The following WDR47 variants were observed in gnomAD, a reference collection of about 807,000 sequenced individuals.
The protein encoded by WDR47 is WD repeat domain 47.
In WDR47, 32 loss-of-function variants were observed where a neutral mutation model predicts 97.2. That is an observed-to-expected ratio of 0.33 (90% CI 0.25 to 0.44). The LOEUF (loss-of-function observed/expected upper bound fraction) is 0.44, where lower values mean the gene tolerates loss of function less well. WDR47 is among the 20% of genes least tolerant of loss of function. The probability of loss-of-function intolerance (pLI) is 1.00; values close to 1 mark genes in which losing one functional copy is unlikely to be tolerated. For missense variants in WDR47, 782 were observed against 1,102.3 expected (o/e 0.71, Z 4.11); for synonymous variants, 375 against 373.5 (o/e 1.00, Z -0.05).
chr1:108,989,683 T>A (rs1225758300), intron 9 of WDR47, among the ~76,000 whole-genome samples: 5 of 152,210 alleles, frequency 3.3e-5, no homozygotes, highest in African/African-American at 1.2e-4. Context: ...TTTTATTTGC[T>A]GTCCTCCAGA....
chr1:108,988,834 C>T lies in WDR47; in HGVS notation c.1768-2154G>A, dbSNP rs140902415. Among the ~76,000 whole-genome samples the T allele has an allele frequency of 4.1e-3, 624 of 151,950 alleles. 5 individuals carry two copies. The highest frequency in any genetic ancestry group is 0.014 in the African/African-American group (583 of 41,424). On this transcript the variant is annotated intron_variant, in intron 9 of 14. Coordinates refer to ENST00000369962, the MANE Select transcript of WDR47 (RefSeq NM_001142551.2). ...GTGCGGTGGCGCAATCTTGATTCAC[C>T]GCAACCTCTGCCTCCCAAGTTCAAG...
rs116358135 is a variant in WDR47, at chr1:109,028,515, G to C, written c.-9-4994C>G. Among the ~76,000 whole-genome samples, 604 of 144,514 alleles carry C rather than the reference G, an allele frequency of 4.2e-3. 4 individuals carry two copies. The highest frequency in any genetic ancestry group is 7.3e-3 in the Non-Finnish European group (483 of 65,978). The allele number at this position is 144,514 out of a possible 152,430, so 94.8% of individuals were successfully genotyped here. ...CATGAGCCATCATGCCTGGCCCAGA[G>C]GACTTTGTTTTTAATTGTTTTCAAA... On this transcript the variant is annotated intron_variant, in intron 1 of 14. Coordinates refer to ENST00000369962, the MANE Select transcript of WDR47 (RefSeq NM_001142551.2).
chr1:108,991,218 A>T (rs770091041), intron 9 of WDR47, 36 bp downstream of exon 9: 20 of 1,579,232 alleles, frequency 1.3e-5, no homozygotes, highest in Non-Finnish European at 1.7e-5. Context: ...ACAGGTGCAT[A>T]TGAAAACAAT....
chr1:109,032,811 T>C (rs1662691962), intron 1 of WDR47, among the ~76,000 whole-genome samples: 1 of 148,062 alleles, frequency 6.8e-6, no homozygotes, highest in Non-Finnish European at 1.5e-5. Context: ...GCAGGAATAT[T>C]GCTTGAACCC....
At position 108,983,426 on chromosome 1, in the gene WDR47, C is replaced by G. The variant is rs775356164; in HGVS notation, c.1951G>C (p.Val651Leu). The G allele has an allele frequency of 1.2e-6, 2 of 1,602,110 alleles. No individual in the cohort carries two copies. The highest frequency in any genetic ancestry group is 2.2e-5 in the South Asian group (2 of 89,146). The change falls in exon 11 of 15, where the codon GTG (valine) becomes CTG (leucine). Residue 651 changes from valine to leucine, a missense_variant. This residue lies in a region of WDR47 where 228 missense variants were observed against 396.7 expected (regional missense o/e 0.57). Transcript: ENST00000369962. ...TGTTTATTCCTTTTAAAACGTACCA[C>G]CGGCTGCTTAGGAGTCTCATGTGCA... ...PSAHETPKQP[V>L]VRFKRNKHHK... is the part of the protein sequence containing the mutation.
At chr1:109,020,706 T>C (rs562139203) in intron 2 of WDR47, among the ~76,000 whole-genome samples, 12 of 152,232 alleles carry the variant, frequency 7.9e-5, no homozygotes, top group African/African-American at 2.2e-4. Context: ...GCTTCAAAGA[T>C]AGTGCTTAAA....
chr1:109,029,871 G>A (rs1273958114), intron 1 of WDR47, among the ~76,000 whole-genome samples: 77 of 142,842 alleles, frequency 5.4e-4, no homozygotes, highest in African/African-American at 1.7e-3. Context: ...GAAAGACTTC[G>A]TCTCAAAAAA....
At chr1:109,013,437 CAA>C (rs1426995519) in intron 4 of WDR47, among the ~76,000 whole-genome samples, 1 of 149,790 alleles carries the variant, frequency 6.7e-6, no homozygotes, top group African/African-American at 2.5e-5. Flanking sequence ...GTCATGAAGA[CAA>C]ACATTTCAGC....
At chr1:108,971,668 A>C (rs1278597721) in intron 14 of WDR47, 96 bp from the exon 15 acceptor site, 1 of 1,335,778 alleles carries the variant, frequency 7.5e-7, no homozygotes, top group East Asian at 2.5e-5. Context: ...CAGTATAAAA[A>C]ATCTTAAACT....
At chr1:108,991,394 C>T in intron 8 of WDR47, 65 bp from the exon 9 acceptor site, 2 of 1,412,434 alleles carry the variant, frequency 1.4e-6, no homozygotes, top group Non-Finnish European at 2.0e-6. Flanking sequence ...AATTAATTTA[C>T]CCTTTCAAAC....
intron 9 of WDR47, 93 bp downstream of exon 9, chr1:108,991,161 G>T: frequency 8.1e-7 from 1 of 1,241,364 alleles, no homozygotes; most frequent in Non-Finnish European, 1.2e-6. Flanking sequence ...CACCACGTCT[G>T]ACTAAAATGG....
At chr1:109,029,806 G>A (rs1662487908) in intron 1 of WDR47, among the ~76,000 whole-genome samples, 1 of 150,982 alleles carries the variant, frequency 6.6e-6, no homozygotes, top group Non-Finnish European at 1.5e-5. Flanking sequence ...AGCCCAGGAG[G>A]TGGAGGCTGC....
At chr1:109,028,383 T>TTTTTTC (rs1662373703) in intron 1 of WDR47, among the ~76,000 whole-genome samples, 3 of 146,650 alleles carry the variant, frequency 2.0e-5, no homozygotes, top group Non-Finnish European at 4.5e-5. Flanking sequence ...TTTTTTTTTT[T>TTTTTTC]TGTAGAGATT....
At chr1:108,974,217 T>C (rs1213396396) in intron 14 of WDR47, among the ~76,000 whole-genome samples, 1 of 151,912 alleles carries the variant, frequency 6.6e-6, no homozygotes, top group Non-Finnish European at 1.5e-5. Context: ...AGGCTGGGCG[T>C]GGTGGCTCAC....
At chr1:109,016,954 A>G (rs1172070889) in intron 3 of WDR47, among the ~76,000 whole-genome samples, 6 of 152,176 alleles carry the variant, frequency 3.9e-5, no homozygotes, top group African/African-American at 1.4e-4. Flanking sequence ...TATAATCATA[A>G]TGAATGAACA....
chr1:108,980,929 C>T (rs1658289187), intron 13 of WDR47, among the ~76,000 whole-genome samples: 1 of 151,882 alleles, frequency 6.6e-6, no homozygotes, highest in Non-Finnish European at 1.5e-5. Flanking sequence ...AGATCAAGAC[C>T]ATCCTGGCCA....
chr1:109,030,900 C>A lies in WDR47; in HGVS notation c.-9-7379G>T, dbSNP rs557794584. On this transcript the variant is annotated intron_variant, in intron 1 of 14. Coordinates refer to ENST00000369962, the MANE Select transcript of WDR47 (RefSeq NM_001142551.2). ...TATATGTGATGTTGCAAGTCACTAACCTCTATGGGCCTCAATTTCTTCATT... is the reference window on the plus strand; with the variant it reads ...TATATGTGATGTTGCAAGTCACTAAACTCTATGGGCCTCAATTTCTTCATT... Among the ~76,000 whole-genome samples, 11 of 139,052 alleles carry A rather than the reference C, an allele frequency of 7.9e-5. 1 individual carries two copies. In the East Asian group the frequency reaches 2.3e-3, roughly 29 times the overall value. The allele number at this position is 139,052 out of a possible 152,430, so 91.2% of individuals were successfully genotyped here.
Position 109,002,491 on chromosome 1 carries a change from T to G in WDR47, c.1255-89A>C, listed in dbSNP as rs1660292422. ...TACCTTTTATAAATGCTGAATAAAA[T>G]ATACAATTAGCTATATTTAACAATC... On this transcript the variant is annotated intron_variant, in intron 6 of 14. Coordinates refer to ENST00000369962, the MANE Select transcript of WDR47 (RefSeq NM_001142551.2). The G allele has an allele frequency of 2.8e-6, 3 of 1,054,614 alleles. No individual in the cohort carries two copies. The African/African-American group carries it at 4.8e-5, about 17-fold the overall frequency. The allele number at this position is 1,054,614 out of a possible 1,614,324, so 65.3% of individuals were successfully genotyped here. A position where few individuals can be genotyped will look rare whatever the true frequency, so the allele number is the denominator to read the frequency against.
chr1:109,027,680 C>T (rs907230322), intron 1 of WDR47, among the ~76,000 whole-genome samples: 1 of 151,946 alleles, frequency 6.6e-6, no homozygotes, highest in Non-Finnish European at 1.5e-5. Flanking sequence ...CCTGCCACCA[C>T]GCCCGGCTAA....
Sources: allele counts gnomAD v4.1 joint callset (sites outside exome capture counted in the v4.1 genomes callset), GRCh38; gene constraint gnomAD v4.1.1; regional missense constraint gnomAD v4.1.1; transcripts MANE v1.5; gene names NCBI Gene and HGNC (gene_info 2026-07-23, HGNC 2026-07-21).